The following SLC38A4 variants were observed in gnomAD, a reference collection of about 807,000 sequenced individuals.
The protein encoded by SLC38A4 is solute carrier family 38 member 4.
SLC38A4 carries 20 observed loss-of-function variants against 63.1 expected under a neutral mutation model. The observed-to-expected ratio is 0.32, with a 90% CI of 0.22 to 0.46. The LOEUF (loss-of-function observed/expected upper bound fraction) is 0.46. Among genes scored for constraint, SLC38A4 ranks in the 20% least tolerant of loss-of-function variants. The pLI, the probability that SLC38A4 is intolerant of heterozygous loss-of-function variation, is 1.00. For synonymous variants in SLC38A4, 230 were observed against 225.5 expected, an observed-to-expected ratio of 1.02 and a Z score of -0.18; for missense variants, 526 against 663.6, an observed-to-expected ratio of 0.79 and a Z score of 2.28.
intron 3 of SLC38A4, among the ~76,000 whole-genome samples, chr12:46,791,687 A>C (rs922860219): frequency 6.6e-6 from 1 of 152,180 alleles, no homozygotes; most frequent in Non-Finnish European, 1.5e-5. Flanking sequence ...TGCACCAGAC[A>C]ATGTGGCAGG....
At chr12:46,788,331 A>T (rs142542759) in intron 4 of SLC38A4, among the ~76,000 whole-genome samples, 197 bp downstream of exon 4, 1 of 152,200 alleles carries the variant, frequency 6.6e-6, no homozygotes, top group Non-Finnish European at 1.5e-5. Context: ...CCCAAAACAC[A>T]TAAGTTTCAT....
chr12:46,786,751 T>C (rs1297927343), intron 5 of SLC38A4, among the ~76,000 whole-genome samples: 1 of 152,114 alleles, frequency 6.6e-6, no homozygotes, highest in Non-Finnish European at 1.5e-5. Flanking sequence ...ATATTATACA[T>C]AAAAGAGTTC....
intron 1 of SLC38A4, among the ~76,000 whole-genome samples, chr12:46,810,607 G>C (rs1277468932): frequency 6.6e-6 from 1 of 151,336 alleles, no homozygotes; most frequent in Non-Finnish European, 1.5e-5. Context: ...TATGCAAAGA[G>C]AAATCATGTA....
rs562487300 is a variant in SLC38A4 at position 46,779,375 on chromosome 12, A to T, written c.717+236T>A. On this transcript the variant is annotated intron_variant, in intron 10 of 16. Transcript: ENST00000266579. Reference sequence around the variant, plus strand: ...TGCTTGAAGTTTTCCTTTTTTCCCCATATATAACCAGTGTGCCTAGACCAA... The same window carrying T: ...TGCTTGAAGTTTTCCTTTTTTCCCCTTATATAACCAGTGTGCCTAGACCAA... Among the ~76,000 whole-genome samples, 106 of 151,950 alleles carry T rather than the reference A, an allele frequency of 7.0e-4. No homozygotes were observed. The South Asian group carries it at 0.022, about 31-fold the overall frequency.
intron 1 of SLC38A4, among the ~76,000 whole-genome samples, chr12:46,819,101 A>T (rs2120915295): frequency 6.6e-6 from 1 of 152,060 alleles, no homozygotes; most frequent in South Asian, 2.1e-4. Flanking sequence ...GACATTTTAA[A>T]AGTCATGTAA....
intron 1 of SLC38A4, among the ~76,000 whole-genome samples, chr12:46,831,026 C>A (rs1005056309): frequency 1.3e-5 from 2 of 152,218 alleles, no homozygotes; most frequent in East Asian, 3.9e-4. Flanking sequence ...CCCTTTTCCT[C>A]CAAGTCAGCA....
intron 2 of SLC38A4, among the ~76,000 whole-genome samples, chr12:46,796,598 G>A (rs1323592509): frequency 1.3e-5 from 2 of 152,220 alleles, no homozygotes; most frequent in East Asian, 1.9e-4. Context: ...TCTGTGGGAG[G>A]AGCATCCCAC....
intron 2 of SLC38A4, among the ~76,000 whole-genome samples, chr12:46,802,318 A>G (rs1939146568): frequency 6.6e-6 from 1 of 152,190 alleles, no homozygotes; most frequent in South Asian, 2.1e-4. Flanking sequence ...TTAATGCATG[A>G]TACTTAATCT....
rs1163269355 is a variant in SLC38A4, at chr12:46,765,492, G to C, written c.*1209C>G. The C allele has an allele frequency of 2.8e-6, 1 of 356,456 alleles. No individual in the cohort carries two copies. The allele number at this position is 356,456 out of a possible 1,614,324, so 22.1% of individuals were successfully genotyped here. A position where few individuals can be genotyped will look rare whatever the true frequency, so the allele number is the denominator to read the frequency against. ...GCAAAAAGAAACTTATTTTCTTGTA[G>C]ATCATCCTATTATTGTAAATATTGA... On this transcript the variant is annotated 3_prime_UTR_variant, in exon 17 of 17. Coordinates refer to ENST00000266579, the MANE Select transcript of SLC38A4 (RefSeq NM_018018.5).
intron 2 of SLC38A4, among the ~76,000 whole-genome samples, chr12:46,802,806 G>A (rs1027229622): frequency 3.3e-5 from 5 of 151,822 alleles, no homozygotes; most frequent in Admixed American, 2.0e-4. Context: ...TATACCCTGG[G>A]CATTTAACTA....
Position 46,775,030 on chromosome 12 carries a change from CAA to C in SLC38A4, c.1299+17_1299+18del. 1 of 1,608,458 alleles carries C rather than the reference CAA, an allele frequency of 6.2e-7. No individual in the cohort carries two copies. Among genetic ancestry groups the C allele is most frequent in the Non-Finnish European group, 8.5e-7 (1 of 1,177,304 alleles). On this transcript the variant is annotated intron_variant, in intron 14 of 16. Transcript: ENST00000266579. ...ATGGGGTCAAGTAGGTTTCTTTCAT[CAA>C]AGTCTTATGTACTTACTGGGAAGAG...
In SLC38A4 at chr12:46,775,163, T is replaced by C. The variant is rs1938496270; in HGVS notation, c.1185A>G (p.Glu395=). 1.2e-6 allele frequency: 2 copies of C among 1,611,612 alleles called. No individual in the cohort carries two copies. Among genetic ancestry groups the C allele is most frequent in the African/African-American group, 2.7e-5 (2 of 74,914 alleles). The part of the protein sequence containing the change: ...FGYLTFYGEV[E]DELLHAYSKV... ...TGCTGTAGGCATGAAGTAATTCATC[T>C]TCAACTTCTCCTACAACAGGAAAAA... The change falls in exon 14 of 17, where the codon GAA becomes GAG. Residue 395 remains glutamate, a synonymous_variant. Coordinates refer to ENST00000266579, the MANE Select transcript of SLC38A4 (RefSeq NM_018018.5).
chr12:46,784,374 A>C (rs1323367032), intron 7 of SLC38A4, among the ~76,000 whole-genome samples, 168 bp downstream of exon 7: 2 of 152,106 alleles, frequency 1.3e-5, no homozygotes, highest in African/African-American at 4.8e-5. Context: ...GCTGTTTTTA[A>C]TTAAAGCAGG....
chr12:46,788,049 G>A lies in SLC38A4; in HGVS notation c.211-18C>T, dbSNP rs1938800255. 6.3e-7 allele frequency: 1 copy of A among 1,584,592 alleles called. No individual in the cohort carries two copies. The highest frequency in any genetic ancestry group is 8.7e-7 in the Non-Finnish European group (1 of 1,153,610). ...CCGGGATGCTTGAAAAAGAAGGGAT[G>A]TATTATAAGCAAACATTTGCCAAAG... is the stretch of plus-strand genomic sequence containing the variant. On this transcript the variant is annotated intron_variant, in intron 4 of 16. Coordinates refer to ENST00000266579, the MANE Select transcript of SLC38A4 (RefSeq NM_018018.5).
Position 46,794,476 on chromosome 12 carries a change from G to A in SLC38A4, c.-112-1293C>T, listed in dbSNP as rs539890776. Among the ~76,000 whole-genome samples the A allele has an allele frequency of 5.1e-3, 778 of 151,406 alleles. 7 individuals carry two copies. The highest frequency in any genetic ancestry group is 8.4e-3 in the Non-Finnish European group (567 of 67,806). On this transcript the variant is annotated intron_variant, in intron 2 of 16. Transcript: ENST00000266579. ...TCAAAATAAGAGAATAACTTTCACA[G>A]AATAAAAACATTATAAAGGAATATA...
chr12:46,772,179 CTT>C (rs1407143076), intron 14 of SLC38A4, among the ~76,000 whole-genome samples: 1 of 151,060 alleles, frequency 6.6e-6, no homozygotes, highest in Non-Finnish European at 1.5e-5. Flanking sequence ...GTAGCTCACA[CTT>C]TGATTTTGCA....
chr12:46,795,930 G>A (rs939878758), intron 2 of SLC38A4, among the ~76,000 whole-genome samples: 2 of 151,326 alleles, frequency 1.3e-5, no homozygotes, highest in Non-Finnish European at 2.9e-5. Flanking sequence ...CAATCAAAAG[G>A]CTTGTCTTTC....
chr12:46,784,727 G>T, intron 6 of SLC38A4, 93 bp from the exon 7 acceptor site: 2 of 928,820 alleles, frequency 2.2e-6, no homozygotes, highest in Non-Finnish European at 3.3e-6. Context: ...TCTCAAACAT[G>T]TAAATAAACA....
chr12:46,771,805 G>A (rs1938421961), intron 14 of SLC38A4, among the ~76,000 whole-genome samples: 1 of 152,042 alleles, frequency 6.6e-6, no homozygotes, highest in African/African-American at 2.4e-5. Flanking sequence ...ACCTTTGCTA[G>A]GGCAGACCAC....
Sources: allele counts gnomAD v4.1 joint callset (sites outside exome capture counted in the v4.1 genomes callset), GRCh38; gene constraint gnomAD v4.1.1; transcripts MANE v1.5; gene names NCBI Gene and HGNC (gene_info 2026-07-23, HGNC 2026-07-21).